Variants in HUNK observed in about 807,000 individuals in gnomAD.
HUNK encodes hormonally up-regulated neu tumor-associated kinase.
A neutral mutation model predicts 61.0 loss-of-function variants in HUNK; 21 were observed. That is an observed-to-expected ratio of 0.34 (90% CI 0.24 to 0.50). HUNK has a LOEUF of 0.50. HUNK is among the 20% of genes least tolerant of loss of function. The pLI is 0.98. For synonymous variants in HUNK, 371 were observed against 386.1 expected (o/e 0.96, Z 0.46); for missense variants, 772 against 945.7 (o/e 0.82, Z 2.41).
chr21:31,981,737 G>A (rs145343615), intron 7 of HUNK, among the ~76,000 whole-genome samples: 1 of 152,090 alleles, frequency 6.6e-6, no homozygotes, highest in Non-Finnish European at 1.5e-5. Context: ...AATTCATTTA[G>A]TAGTTCAAAC....
chr21:31,999,275 G>A lies in HUNK; in HGVS notation c.*91G>A, dbSNP rs978391897. On this transcript the variant is annotated 3_prime_UTR_variant, in exon 11 of 11. Coordinates refer to ENST00000270112, the MANE Select transcript of HUNK (RefSeq NM_014586.2). The stretch of plus-strand genomic sequence containing the variant: ...CAGGGTGTGAGCACTCCAAGGCCTC[G>A]CGTGGAGCATCCTTAGTCCCACCTG... 36 of 1,191,348 alleles carry A rather than the reference G, an allele frequency of 3.0e-5. No individual in the cohort carries two copies. The highest frequency in any genetic ancestry group is 1.2e-4 in the East Asian group (5 of 42,174). The allele number at this position is 1,191,348 out of a possible 1,614,324, so 73.8% of individuals were successfully genotyped here. A position where few individuals can be genotyped will look rare whatever the true frequency, so the allele number is the denominator to read the frequency against.
chr21:31,895,055 G>C (rs953904406), intron 1 of HUNK, among the ~76,000 whole-genome samples: 2 of 152,184 alleles, frequency 1.3e-5, no homozygotes, highest in Non-Finnish European at 2.9e-5. Context: ...AATCAGTCCT[G>C]GTCTCTTTCT....
rs758563763 is a variant in HUNK, at chr21:31,989,713, C to CAAA, written c.1258-398_1258-396dup. Among the ~76,000 whole-genome samples the CAAA allele has an allele frequency of 3.0e-3, 237 of 80,020 alleles. 2 individuals are homozygous for CAAA. Among genetic ancestry groups the CAAA allele is most frequent in the Middle Eastern group, 7.5e-3 (1 of 134 alleles). The allele number at this position is 80,020 out of a possible 152,430, so 52.5% of individuals were successfully genotyped here. A position where few individuals can be genotyped will look rare whatever the true frequency, so the allele number is the denominator to read the frequency against. On this transcript the variant is annotated intron_variant, in intron 8 of 10. Transcript: ENST00000270112. Reference sequence around the variant, plus strand: ...TGTGTGACAGAGCGAGACTCGGTCTCAAAAAAAAAAAAAAAAAAAAGCCTG... The same window carrying CAAA: ...TGTGTGACAGAGCGAGACTCGGTCTCAAAAAAAAAAAAAAAAAAAAAAAGCCTG...
chr21:31,966,141 C>T (rs972320659), intron 5 of HUNK, among the ~76,000 whole-genome samples: 2 of 152,126 alleles, frequency 1.3e-5, no homozygotes, highest in African/African-American at 4.8e-5. Context: ...CTCCCACTTA[C>T]GAGTGAGAAT....
intron 4 of HUNK, among the ~76,000 whole-genome samples, chr21:31,956,818 A>G (rs1384298395): frequency 6.6e-6 from 1 of 151,486 alleles, no homozygotes; most frequent in Non-Finnish European, 1.5e-5. Flanking sequence ...CAATATAACT[A>G]CTCCCTGAAT....
At chr21:31,883,911 A>G (rs11909440) in intron 1 of HUNK, among the ~76,000 whole-genome samples, 17,553 of 152,112 alleles carry the variant, frequency 0.12, 1,152 homozygotes, top group African/African-American at 0.18. Flanking sequence ...GATTATACAC[A>G]CTCAGGCTAG....
At chr21:31,919,647 C>T (rs2052610085) in intron 1 of HUNK, among the ~76,000 whole-genome samples, 1 of 152,166 alleles carries the variant, frequency 6.6e-6, no homozygotes, top group African/African-American at 2.4e-5. Context: ...GTGCAAAACC[C>T]TGATATGGGC....
rs1433715389 is a variant in HUNK at position 32,003,128 on chromosome 21, A to G, written c.*3944A>G. On this transcript the variant is annotated 3_prime_UTR_variant, in exon 11 of 11. Coordinates refer to ENST00000270112, the MANE Select transcript of HUNK (RefSeq NM_014586.2). ...ACAGAGAAATCAGAGAGTGGCTGCC[A>G]TGGTCAGAGGGGGATGTCAACAACA... is the stretch of plus-strand genomic sequence containing the variant. 4.6e-5 allele frequency: 7 copies of G among 152,324 alleles called. No individual in the cohort carries two copies. The highest frequency in any genetic ancestry group is 1.0e-4 in the Non-Finnish European group (7 of 68,112). The allele number at this position is 152,324 out of a possible 1,614,324, so 9.4% of individuals were successfully genotyped here.
At chr21:31,965,657 A>G (rs2052960858) in intron 5 of HUNK, among the ~76,000 whole-genome samples, 1 of 146,936 alleles carries the variant, frequency 6.8e-6, no homozygotes, top group Non-Finnish European at 1.5e-5. Flanking sequence ...GCTGGAGTGC[A>G]ATGGCGTGAT....
rs78642736 is a variant in HUNK at position 31,910,189 on chromosome 21, A to G, written c.262-14279A>G. 6.4e-3 allele frequency among the ~76,000 whole-genome samples: 980 copies of G among 152,248 alleles called. 11 individuals are homozygous for G. The highest frequency in any genetic ancestry group is 0.023 in the African/African-American group (935 of 41,554). On this transcript the variant is annotated intron_variant, in intron 1 of 10. Transcript: ENST00000270112. ...ACACAGACCTGGGGGGCCTTCAACAACAGACATTGATGTTGTCTGAGTTCT... is the reference window on the plus strand; with the variant it reads ...ACACAGACCTGGGGGGCCTTCAACAGCAGACATTGATGTTGTCTGAGTTCT...
chr21:31,924,329 T>C lies in HUNK; in HGVS notation c.262-139T>C. ...AATATAAATGTGTATATATATATTT[T>C]CTGTTGATGCTGTTTTAGGTAAGGT... On this transcript the variant is annotated intron_variant, in intron 1 of 10. Coordinates refer to ENST00000270112, the MANE Select transcript of HUNK (RefSeq NM_014586.2). The surrounding 1 kb of genome is among the most constrained non-coding windows in gnomAD (Gnocchi z 5.1). 4 of 637,716 alleles carry C rather than the reference T, an allele frequency of 6.3e-6. 1 individual carries two copies. The South Asian group carries it at 8.1e-5, about 13-fold the overall frequency. The allele number at this position is 637,716 out of a possible 1,614,324, so 39.5% of individuals were successfully genotyped here.
intron 1 of HUNK, among the ~76,000 whole-genome samples, chr21:31,919,869 A>G (rs1235617411): frequency 6.6e-6 from 1 of 152,236 alleles, no homozygotes; most frequent in African/African-American, 2.4e-5. Context: ...GGGTCTCTCC[A>G]TGCCTGGAAA....
At chr21:31,975,898 C>G (rs2053045451) in intron 7 of HUNK, among the ~76,000 whole-genome samples, 1 of 152,164 alleles carries the variant, frequency 6.6e-6, no homozygotes, top group Non-Finnish European at 1.5e-5. Flanking sequence ...GAAAACATTG[C>G]TGAACAGATG....
intron 1 of HUNK, among the ~76,000 whole-genome samples, chr21:31,889,987 T>C (rs189884150): frequency 1.3e-5 from 2 of 152,244 alleles, no homozygotes; most frequent in East Asian, 3.8e-4. Context: ...TATAAATATT[T>C]TAAAAATAAT....
chr21:31,907,168 C>T (rs553697640), intron 1 of HUNK, among the ~76,000 whole-genome samples: 2 of 152,076 alleles, frequency 1.3e-5, no homozygotes, highest in South Asian at 4.2e-4. Flanking sequence ...AGTGAAACTC[C>T]ATCTCAAAAA....
chr21:31,947,172 G>C (rs112678891), intron 4 of HUNK, among the ~76,000 whole-genome samples: 18 of 79,224 alleles, frequency 2.3e-4, no homozygotes, highest in Non-Finnish European at 7.1e-5. Flanking sequence ...CACATCCCAG[G>C]CTCAAGCCAG....
chr21:31,873,664 C>G lies in HUNK; in HGVS notation c.-11C>G, dbSNP rs1601352026. ...AGACGAGCAGGAGCCGCGCGGGCCG[C>G]GGCGAGCGCGATGCCGGCGGCGGCG... On this transcript the variant is annotated 5_prime_UTR_variant, in exon 1 of 11. Coordinates refer to ENST00000270112, the MANE Select transcript of HUNK (RefSeq NM_014586.2). This position sits in a 1 kb window ranked among gnomAD's most constrained non-coding sequence, Gnocchi z 6.1. 2.0e-6 allele frequency: 2 copies of G among 992,372 alleles called. No homozygotes were observed. Among genetic ancestry groups the G allele is most frequent in the South Asian group, 4.5e-5 (1 of 22,156 alleles). The allele number at this position is 992,372 out of a possible 1,614,324, so 61.5% of individuals were successfully genotyped here. A position where few individuals can be genotyped will look rare whatever the true frequency, so the allele number is the denominator to read the frequency against.
chr21:31,987,037 G>A (rs1049407959), intron 8 of HUNK, among the ~76,000 whole-genome samples: 1 of 152,200 alleles, frequency 6.6e-6, no homozygotes, highest in Non-Finnish European at 1.5e-5. Context: ...ACGATGCCTG[G>A]CATGTAGGTG....
At chr21:31,911,925 A>G (rs2052548256) in intron 1 of HUNK, among the ~76,000 whole-genome samples, 1 of 9,514 alleles carries the variant, frequency 1.1e-4, no homozygotes, top group Non-Finnish European at 1.8e-4. Flanking sequence ...GACGGCAAGC[A>G]GGGACGATAG....
Sources: allele counts gnomAD v4.1 joint callset (sites outside exome capture counted in the v4.1 genomes callset), GRCh38; gene constraint gnomAD v4.1.1; non-coding constraint Gnocchi (gnomAD v3.1); transcripts MANE v1.5; gene names NCBI Gene and HGNC (gene_info 2026-07-23, HGNC 2026-07-21).